The following MRC2 variants were observed in gnomAD, a reference collection of about 807,000 sequenced individuals.
MRC2 encodes the protein C-type mannose receptor 2.
Under a neutral mutation model 206.2 loss-of-function variants are expected in MRC2, and 84 were observed. The observed-to-expected ratio is 0.41, with a 90% CI of 0.34 to 0.49. The LOEUF (loss-of-function observed/expected upper bound fraction) is 0.49, where lower values mean the gene tolerates loss of function less well. Ranked by LOEUF, MRC2 falls within the 20% of genes least tolerant of loss-of-function variation. The probability of loss-of-function intolerance (pLI) is 0.31; values close to 1 mark genes in which losing one functional copy is unlikely to be tolerated. For missense variants in MRC2, 1,676 were observed against 2,001.5 expected (o/e 0.84, Z 3.10); for synonymous variants, 798 against 800.0 (o/e 1.00, Z 0.04).
In MRC2 at chr17:62,671,740, G is replaced by A; in HGVS notation, c.1209G>A (p.Trp403Ter). The A allele has an allele frequency of 6.2e-7, 1 of 1,613,368 alleles. No homozygotes were observed. Among genetic ancestry groups the A allele is most frequent in the Non-Finnish European group, 8.5e-7 (1 of 1,179,732 alleles). Residue 403 changes from tryptophan to a stop codon, truncating the protein, a stop_gained, in exon 7 of 30, where the codon TGG becomes TGA. Transcript: ENST00000303375. LOFTEE classifies it high-confidence loss of function. This position sits in a 1 kb window ranked among gnomAD's most constrained non-coding sequence, Gnocchi z 4.5. Reference sequence around the variant, plus strand: ...GCCTGCAGGCCGAGAAGCGCAGCTGGCAGGAGTCCAAGAAGGCATGTCTAC... The same window carrying A: ...GCCTGCAGGCCGAGAAGCGCAGCTGACAGGAGTCCAAGAAGGCATGTCTAC... ...CYRLQAEKRSWQESKKACLRG... is the reference protein window; with the variant it reads ...CYRLQAEKRS
In MRC2 at chr17:62,666,286, G is replaced by T; in HGVS notation, c.694+19G>T. 6.4e-7 allele frequency: 1 copy of T among 1,558,744 alleles called. No homozygotes were observed. Among genetic ancestry groups the T allele is most frequent in the Non-Finnish European group, 8.7e-7 (1 of 1,155,144 alleles). On this transcript the variant is annotated intron_variant, in intron 3 of 29. Transcript: ENST00000303375. This position sits in a 1 kb window ranked among gnomAD's most constrained non-coding sequence, Gnocchi z 5.0. ...ATCAAGAGTGAGAGCTGTTGGAGCC[G>T]TGGGGGCGGGGGCAGTGTTCCTGGA...
intron 20 of MRC2, among the ~76,000 whole-genome samples, chr17:62,687,737 G>A (rs1036722986): frequency 5.9e-5 from 9 of 152,156 alleles, no homozygotes; most frequent in Admixed American, 5.9e-4. Flanking sequence ...CAAAAAATTA[G>A]CTGGGCATGG....
Position 62,666,636 on chromosome 17 carries a change from T to G in MRC2, c.859+17T>G. On this transcript the variant is annotated intron_variant, in intron 4 of 29. Coordinates refer to ENST00000303375, the MANE Select transcript of MRC2 (RefSeq NM_006039.5). This position sits in a 1 kb window ranked among gnomAD's most constrained non-coding sequence, Gnocchi z 5.0. Reference sequence around the variant, plus strand: ...ACATCAACGGTGAGCCGGGGCCTGATGCCTGCTCGTGCCTCTGGAGGGCCC... The same window carrying G: ...ACATCAACGGTGAGCCGGGGCCTGAGGCCTGCTCGTGCCTCTGGAGGGCCC... The G allele has an allele frequency of 6.7e-7, 1 of 1,503,352 alleles. No individual in the cohort carries two copies. Among genetic ancestry groups the G allele is most frequent in the Non-Finnish European group, 8.9e-7 (1 of 1,119,126 alleles). The allele number at this position is 1,503,352 out of a possible 1,614,324, so 93.1% of individuals were successfully genotyped here.
intron 1 of MRC2, among the ~76,000 whole-genome samples, chr17:62,629,174 C>G (rs1251896438): frequency 2.0e-5 from 3 of 152,354 alleles, no homozygotes; most frequent in Non-Finnish European, 2.9e-5. Flanking sequence ...GCCTCACAGG[C>G]AGTTCCCCTA....
chr17:62,666,998 C>T lies in MRC2; in HGVS notation c.973+128C>T. On this transcript the variant is annotated intron_variant, in intron 5 of 29. Coordinates refer to ENST00000303375, the MANE Select transcript of MRC2 (RefSeq NM_006039.5). The surrounding 1 kb of genome is among the most constrained non-coding windows in gnomAD (Gnocchi z 5.0). The stretch of plus-strand genomic sequence containing the variant: ...GGTAGGGGAAGCACCGACCTCCACC[C>T]CCCTCCCCAGACTGCGCCCCCCTAG... 1.5e-5 allele frequency: 11 copies of T among 753,276 alleles called. No homozygotes were observed. The highest frequency in any genetic ancestry group is 2.4e-5 in the Non-Finnish European group (11 of 452,104). 46.7% of individuals were successfully genotyped at this position (753,276 alleles called of 1,614,324 possible). A position where few individuals can be genotyped will look rare whatever the true frequency, so the allele number is the denominator to read the frequency against.
At chr17:62,627,971 C>A (rs892891249) in intron 1 of MRC2, 51 bp downstream of exon 1, 1 of 1,254,868 alleles carries the variant, frequency 8.0e-7, no homozygotes, top group Non-Finnish European at 1.0e-6. Context: ...GGGGGAGCGC[C>A]GAGGCGCGGG....
chr17:62,688,464 A>T, intron 21 of MRC2, 37 bp from the exon 22 acceptor site: 1 of 1,614,172 alleles, frequency 6.2e-7, no homozygotes, highest in Non-Finnish European at 8.5e-7. Context: ...AAATAGCTAT[A>T]GCAGAGTCAC....
At chr17:62,643,898 G>GT in intron 1 of MRC2, among the ~76,000 whole-genome samples, 1 of 152,236 alleles carries the variant, frequency 6.6e-6, no homozygotes, top group Non-Finnish European at 1.5e-5. Context: ...TTGCTGAAAT[G>GT]TTAAGTGAAA....
rs1256739040 is a variant in MRC2 at position 62,664,873 on chromosome 17, G to A, written c.444G>A (p.Glu148=). The part of the protein sequence containing the change: ...TSNISKPGTL[E]RGDQTRSGQW... ...ACATATCCAAGCCTGGCACCCTTGAGCGTGGTGACCAGACCCGCAGTGGCC... is the reference window on the plus strand; with the variant it reads ...ACATATCCAAGCCTGGCACCCTTGAACGTGGTGACCAGACCCGCAGTGGCC... Residue 148 remains glutamate, a synonymous_variant, in exon 2 of 30, where the codon GAG becomes GAA. Transcript: ENST00000303375. The surrounding 1 kb of genome is among the most constrained non-coding windows in gnomAD (Gnocchi z 4.7). The A allele has an allele frequency of 1.9e-6, 3 of 1,613,730 alleles. No homozygotes were observed. The highest frequency in any genetic ancestry group is 3.3e-5 in the Admixed American group (2 of 60,030).
chr17:62,643,957 A>G (rs531943958), intron 1 of MRC2, among the ~76,000 whole-genome samples: 80 of 152,334 alleles, frequency 5.3e-4, no homozygotes, highest in African/African-American at 1.8e-3. Flanking sequence ...ATATTTATGT[A>G]TATATATGTG....
At chr17:62,663,648 A>G (rs1052422830) in intron 1 of MRC2, among the ~76,000 whole-genome samples, 1 of 152,162 alleles carries the variant, frequency 6.6e-6, no homozygotes, top group Non-Finnish European at 1.5e-5. Flanking sequence ...ATAGGTGGAA[A>G]GAGGAAAGGT....
intron 13 of MRC2, 159 bp from the exon 14 acceptor site, chr17:62,679,641 C>T (rs1370943156): frequency 4.9e-6 from 3 of 611,618 alleles, no homozygotes; most frequent in Non-Finnish European, 8.6e-6. Flanking sequence ...CCGAAGTGAC[C>T]TCAACGCTGT....
Position 62,681,058 on chromosome 17 carries a change from C to T in MRC2, c.2635-4C>T, listed in dbSNP as rs1288770035. On this transcript the variant is annotated splice_polypyrimidine_tract_variant and splice_region_variant and intron_variant, in intron 17 of 29. Transcript: ENST00000303375. ...ACCCACACCTGCCCGCCTGGCTTCT[C>T]CAGTTCTCCCGGGCCCAGGAGCAGC... 6.2e-7 allele frequency: 1 copy of T among 1,613,392 alleles called. No homozygotes were observed. Among genetic ancestry groups the T allele is most frequent in the East Asian group, 2.2e-5 (1 of 44,878 alleles).
At chr17:62,659,738 G>A (rs766075127) in intron 1 of MRC2, among the ~76,000 whole-genome samples, 3 of 152,174 alleles carry the variant, frequency 2.0e-5, no homozygotes, top group Non-Finnish European at 4.4e-5. Flanking sequence ...AGAGGACAGA[G>A]GGGCAGGGTC....
intron 2 of MRC2, 122 bp downstream of exon 2, chr17:62,665,071 T>A: frequency 9.4e-7 from 1 of 1,068,320 alleles, no homozygotes; most frequent in Non-Finnish European, 1.3e-6. Flanking sequence ...GTCACATGTT[T>A]AATTATAATA....
intron 20 of MRC2, among the ~76,000 whole-genome samples, chr17:62,686,116 C>A (rs991766017): frequency 1.3e-5 from 2 of 152,142 alleles, no homozygotes; most frequent in African/African-American, 4.8e-5. Context: ...GAGCACGCAA[C>A]CTAGATCCCT....
chr17:62,690,402 C>G, intron 26 of MRC2, 97 bp downstream of exon 26: 1 of 1,456,302 alleles, frequency 6.9e-7, no homozygotes, highest in Non-Finnish European at 9.2e-7. Context: ...TGCTCTCTAC[C>G]CATAGGCAGC....
intron 23 of MRC2, 136 bp downstream of exon 23, chr17:62,689,096 C>A: frequency 1.4e-6 from 1 of 705,664 alleles, no homozygotes. Context: ...GGCAGAAAGG[C>A]AAGGTGCCAA....
chr17:62,688,322 C>T lies in MRC2; in HGVS notation c.2980C>T (p.Arg994Trp), dbSNP rs773699855. ...GGTCCAGGGCCAGGAACCCCAGAGC[C>T]GGGTGAAGTGGTCAGAGGCACAGTT... ...FQVQGQEPQSRVKWSEAQFSC... is the reference protein window; with the variant it reads ...FQVQGQEPQSWVKWSEAQFSC... Residue 994 changes from arginine (R) to tryptophan (W), a missense_variant, in exon 21 of 30, where the codon CGG becomes TGG. Arg to Trp is a moderately radical substitution (Grantham distance 101). This residue lies in a region of MRC2 where 1,354 missense variants were observed against 1,636.6 expected (regional missense o/e 0.83). Coordinates refer to ENST00000303375, the MANE Select transcript of MRC2 (RefSeq NM_006039.5). 2.9e-5 allele frequency: 47 copies of T among 1,614,036 alleles called. No homozygotes were observed. Among genetic ancestry groups the T allele is most frequent in the African/African-American group, 5.3e-5 (4 of 74,934 alleles).
Sources: allele counts gnomAD v4.1 joint callset (sites outside exome capture counted in the v4.1 genomes callset), GRCh38; gene constraint gnomAD v4.1.1; regional missense constraint gnomAD v4.1.1; non-coding constraint Gnocchi (gnomAD v3.1); transcripts MANE v1.5; gene names NCBI Gene and HGNC (gene_info 2026-07-23, HGNC 2026-07-21).